The following KLHL13 variants were observed in gnomAD, a reference collection of about 807,000 sequenced individuals.
KLHL13 encodes the protein kelch-like protein 13.
KLHL13 carries 10 observed loss-of-function variants against 37.1 expected under a neutral mutation model. The ratio of observed to expected loss-of-function variants is 0.27; its 90% CI spans 0.17 to 0.46. The LOEUF is 0.46. Among genes scored for constraint, KLHL13 ranks in the 20% least tolerant of loss-of-function variants. The probability of loss-of-function intolerance (pLI) is 1.00; values close to 1 mark genes in which losing one functional copy is unlikely to be tolerated. For synonymous variants in KLHL13, 163 were observed against 181.2 expected, an observed-to-expected ratio of 0.90 and a Z score of 0.81; for missense variants, 360 against 509.3, an observed-to-expected ratio of 0.71 and a Z score of 2.82.
intron 1 of KLHL13, among the ~76,000 whole-genome samples, chrX:117,952,660 C>A (rs1302514389): frequency 9.1e-6 from 1 of 109,812 alleles, no homozygotes; most frequent in Non-Finnish European, 1.9e-5. Context: ...ACTCATCTGA[C>A]AAAGGGCTAA....
At chrX:118,079,974 C>T (rs1443556392) in intron 1 of KLHL13, among the ~76,000 whole-genome samples, 1 of 111,246 alleles carries the variant, frequency 9.0e-6, no homozygotes, top group African/African-American at 3.3e-5. Context: ...AGAAATAAAG[C>T]CACACACCTA....
At chrX:118,005,208 C>T (rs762935045) in intron 1 of KLHL13, among the ~76,000 whole-genome samples, 6 of 111,461 alleles carry the variant, frequency 5.4e-5, no homozygotes, top group Non-Finnish European at 1.1e-4. Context: ...CAATGCCCCA[C>T]AGATAACAAC....
At chrX:117,934,705 T>C (rs1288905938) in intron 2 of KLHL13, among the ~76,000 whole-genome samples, 1 of 110,249 alleles carries the variant, frequency 9.1e-6, no homozygotes, top group Non-Finnish European at 1.9e-5. Flanking sequence ...TATATGTGTG[T>C]ATGAACCCTT....
chrX:118,019,458 T>C (rs1189517706), intron 1 of KLHL13, among the ~76,000 whole-genome samples: 1 of 110,359 alleles, frequency 9.1e-6, no homozygotes, highest in Non-Finnish European at 1.9e-5. Context: ...TTCACTCTGG[T>C]GGTAGTTTCT....
chrX:117,939,537 C>T (rs12687530), intron 2 of KLHL13, among the ~76,000 whole-genome samples: 1 of 112,146 alleles, frequency 8.9e-6, no homozygotes, highest in Non-Finnish European at 1.9e-5. Flanking sequence ...AGTGGTTGAA[C>T]TAATTTATAC....
In KLHL13 at chrX:117,980,396, C is replaced by T. The variant is rs765916266; in HGVS notation, c.-55-34821G>A. ...AGAAGAGTATATTTTCTTCAACATC[C>T]CAATTTTAAATTAATGAAATAGTAC... On this transcript the variant is annotated intron_variant, in intron 1 of 6. Coordinates refer to the KLHL13 transcript ENST00000371882. Among the ~76,000 whole-genome samples the T allele has an allele frequency of 4.5e-5, 5 of 111,188 alleles. No individual in the cohort carries two copies. The South Asian group carries it at 1.9e-3, about 42-fold the overall frequency.
chrX:118,003,271 C>CT (rs1569287564), intron 1 of KLHL13, among the ~76,000 whole-genome samples: 1 of 112,188 alleles, frequency 8.9e-6, no homozygotes, highest in Non-Finnish European at 1.9e-5. Context: ...AATCCCAACA[C>CT]TTTGGAGGGC....
chrX:117,934,699 T>C (rs892119221), intron 2 of KLHL13, among the ~76,000 whole-genome samples: 3 of 110,260 alleles, frequency 2.7e-5, no homozygotes, highest in Non-Finnish European at 5.7e-5. Flanking sequence ...ATAATATATA[T>C]GTGTGTATGA....
In KLHL13 at chrX:118,063,861, GCA is replaced by G. The variant is rs767790225; in HGVS notation, c.-56+52645_-56+52646del. 2.6e-4 allele frequency among the ~76,000 whole-genome samples: 29 copies of G among 111,881 alleles called. No individual in the cohort carries two copies. In the South Asian group the frequency reaches 0.01, roughly 39 times the overall value. On this transcript the variant is annotated intron_variant, in intron 1 of 6. Transcript: ENST00000371882. ...TTTGATCAGACTACTTACAAAGAGA[GCA>G]CAGTCTTATCTTTTGCTAAAGTCTT...
intron 1 of KLHL13, 138 bp from the exon 2 acceptor site, chrX:118,028,635 T>C (rs1288372630): frequency 6.7e-6 from 2 of 298,963 alleles, no homozygotes; most frequent in East Asian, 9.4e-5. Context: ...AATGTTCATA[T>C]TACATCTTAA....
chrX:118,085,638 T>C (rs1264764690), intron 1 of KLHL13, among the ~76,000 whole-genome samples: 2 of 110,596 alleles, frequency 1.8e-5, no homozygotes, highest in African/African-American at 3.3e-5. Context: ...CTGTATGCTT[T>C]TGAATACCCC....
At chrX:118,011,652 C>G (rs1057125543) in intron 1 of KLHL13, among the ~76,000 whole-genome samples, 5 of 110,648 alleles carry the variant, frequency 4.5e-5, no homozygotes, top group Non-Finnish European at 7.6e-5. Flanking sequence ...AGAAAGGGTC[C>G]AGGATGATGC....
At chrX:118,041,391 G>A (rs981749846) in intron 1 of KLHL13, among the ~76,000 whole-genome samples, 34 of 110,800 alleles carry the variant, frequency 3.1e-4, no homozygotes, top group Middle Eastern at 4.7e-3. Context: ...GCCAGGCATG[G>A]TGGTGCATGC....
At chrX:118,085,553 C>A (rs1200778528) in intron 1 of KLHL13, among the ~76,000 whole-genome samples, 3 of 110,024 alleles carry the variant, frequency 2.7e-5, no homozygotes, top group Non-Finnish European at 5.7e-5. Context: ...ACATGGTACC[C>A]CACAGACAGT....
intron 1 of KLHL13, among the ~76,000 whole-genome samples, chrX:118,030,289 G>A (rs968332196): frequency 1.8e-5 from 2 of 111,535 alleles, no homozygotes; most frequent in African/African-American, 3.3e-5. Flanking sequence ...ACTGACCTTC[G>A]ATTTACCTTT....
chrX:118,052,069 T>C (rs2054619636), intron 1 of KLHL13, among the ~76,000 whole-genome samples: 1 of 111,490 alleles, frequency 9.0e-6, no homozygotes, highest in Admixed American at 9.5e-5. Flanking sequence ...ATTAACTATA[T>C]CATGAATGTG....
At chrX:118,087,422 G>A (rs1355459544) in intron 1 of KLHL13, among the ~76,000 whole-genome samples, 1 of 109,113 alleles carries the variant, frequency 9.2e-6, no homozygotes, top group African/African-American at 3.3e-5. Flanking sequence ...TATATCTTCT[G>A]TGAGTACATT....
At chrX:118,043,909 A>G (rs1390990714) in intron 1 of KLHL13, among the ~76,000 whole-genome samples, 2 of 111,877 alleles carry the variant, frequency 1.8e-5, no homozygotes, top group African/African-American at 6.5e-5. Context: ...CAGACAAGAG[A>G]AAGAAATAAA....
At chrX:118,032,834 A>C (rs2148037233) in intron 1 of KLHL13, among the ~76,000 whole-genome samples, 1 of 111,492 alleles carries the variant, frequency 9.0e-6, no homozygotes, top group East Asian at 2.8e-4. Context: ...AGGAAGTTGA[A>C]AACTTTGAAA....
Sources: allele counts gnomAD v4.1 joint callset (sites outside exome capture counted in the v4.1 genomes callset), GRCh38; gene constraint gnomAD v4.1.1; transcripts MANE v1.5; gene names NCBI Gene and HGNC (gene_info 2026-07-23, HGNC 2026-07-21).